The following GRAMD4 variants were observed in gnomAD, a reference collection of about 807,000 sequenced individuals.
GRAMD4 encodes GRAM domain containing 4.
A neutral mutation model predicts 83.9 loss-of-function variants in GRAMD4; 25 were observed. The observed-to-expected ratio is 0.30, with a 90% CI of 0.22 to 0.42. GRAMD4 has a LOEUF of 0.42. Among genes scored for constraint, GRAMD4 ranks in the 10% least tolerant of loss-of-function variants. The pLI, the probability that GRAMD4 is intolerant of heterozygous loss-of-function variation, is 1.00. For missense variants in GRAMD4, 593 were observed against 788.7 expected, an observed-to-expected ratio of 0.75 and a Z score of 2.97; for synonymous variants, 336 against 320.9, an observed-to-expected ratio of 1.05 and a Z score of -0.50.
chr22:46,586,258 T>TGCCCTGGCTCCTCCCC (rs2081148660), intron 1 of GRAMD4, among the ~76,000 whole-genome samples: 3 of 152,184 alleles, frequency 2.0e-5, no homozygotes, highest in Non-Finnish European at 2.9e-5. Flanking sequence ...GTCTCCTTCC[T>TGCCCTGGCTCCTCCCC]TGCCCTGGCT....
chr22:46,664,018 G>A lies in GRAMD4; in HGVS notation c.626-8G>A, dbSNP rs1334051820. The stretch of plus-strand genomic sequence containing the variant: ...AGTGCTGACCACTGTGGTCTGCTCT[G>A]TCCCCAGAGCGCGGTGCCAAGCCGG... On this transcript the variant is annotated splice_region_variant and splice_polypyrimidine_tract_variant and intron_variant, in intron 7 of 18. Coordinates refer to ENST00000406902, the MANE Select transcript of GRAMD4 (RefSeq NM_015124.5). 6.2e-7 allele frequency: 1 copy of A among 1,611,156 alleles called. No individual in the cohort carries two copies. Among genetic ancestry groups the A allele is most frequent in the African/African-American group, 1.3e-5 (1 of 74,888 alleles).
At position 46,598,093 on chromosome 22, in the gene GRAMD4, T is replaced by C. The variant is rs989663043; in HGVS notation, c.-50+20803T>C. On this transcript the variant is annotated intron_variant, in intron 1 of 1. Coordinates refer to the GRAMD4 transcript ENST00000431155. The stretch of plus-strand genomic sequence containing the variant: ...ACCTCCTGGGTTCAAGTGATTCTTA[T>C]GCCTCAGCTTCCGGAGTAGCTGGAA... 3.3e-5 allele frequency among the ~76,000 whole-genome samples: 5 copies of C among 152,188 alleles called. No homozygotes were observed. The East Asian group carries it at 5.8e-4, about 18-fold the overall frequency.
chr22:46,673,897 G>A (rs112074617), intron 15 of GRAMD4, 83 bp downstream of exon 15: 124 of 1,483,198 alleles, frequency 8.4e-5, no homozygotes, highest in African/African-American at 1.6e-4. Context: ...GATGCAGGAC[G>A]GGGTCGCCCT....
intron 1 of GRAMD4, among the ~76,000 whole-genome samples, chr22:46,598,870 A>C (rs1043435145): frequency 3.3e-5 from 5 of 152,100 alleles, no homozygotes; most frequent in African/African-American, 1.2e-4. Context: ...GGACTGAAAG[A>C]AGGGGAACCA....
intron 10 of GRAMD4, 78 bp downstream of exon 10, chr22:46,666,951 G>A: frequency 9.2e-7 from 1 of 1,081,782 alleles, no homozygotes; most frequent in South Asian, 1.5e-5. Context: ...GCACCGCTCG[G>A]GGAAGCCTCT....
At chr22:46,640,169 C>T (rs569253203) in intron 3 of GRAMD4, among the ~76,000 whole-genome samples, 3 of 152,354 alleles carry the variant, frequency 2.0e-5, no homozygotes, top group African/African-American at 7.2e-5. Flanking sequence ...ATCCGCTGAA[C>T]CTCACGAATT....
intron 1 of GRAMD4, among the ~76,000 whole-genome samples, chr22:46,583,721 C>T (rs1273474587): frequency 2.0e-5 from 3 of 152,262 alleles, no homozygotes; most frequent in Admixed American, 6.5e-5. Context: ...CCTCTAACCA[C>T]GTCACGCCAG....
intron 1 of GRAMD4, among the ~76,000 whole-genome samples, chr22:46,602,787 G>A (rs2081324476): frequency 1.5e-5 from 2 of 132,682 alleles, no homozygotes; most frequent in South Asian, 4.7e-4. Flanking sequence ...TTGAGGCAGA[G>A]TCTCTGTCTT....
At chr22:46,580,755 G>A (rs1475655129) in intron 1 of GRAMD4, among the ~76,000 whole-genome samples, 1 of 152,074 alleles carries the variant, frequency 6.6e-6, no homozygotes, top group Non-Finnish European at 1.5e-5. Flanking sequence ...ACCTGAGGTC[G>A]GGAATTCAAG....
At chr22:46,587,816 G>T in intron 1 of GRAMD4, 1 of 710,828 alleles carries the variant, frequency 1.4e-6, no homozygotes, top group Non-Finnish European at 1.7e-6. Context: ...AGTGGAGGTG[G>T]CAGATGTTTG....
At chr22:46,597,809 G>A (rs924132963) in intron 1 of GRAMD4, among the ~76,000 whole-genome samples, 1 of 152,144 alleles carries the variant, frequency 6.6e-6, no homozygotes, top group Admixed American at 6.5e-5. Context: ...TTTTAATTAG[G>A]ACAAAAACAA....
chr22:46,600,468 G>A (rs987085377), intron 1 of GRAMD4, among the ~76,000 whole-genome samples: 12 of 152,190 alleles, frequency 7.9e-5, no homozygotes, highest in African/African-American at 2.9e-4. Flanking sequence ...CTTCATTCCC[G>A]TGATGAGGCA....
intron 3 of GRAMD4, among the ~76,000 whole-genome samples, chr22:46,645,980 A>T (rs2082066944): frequency 6.6e-6 from 1 of 152,034 alleles, no homozygotes; most frequent in Admixed American, 6.6e-5. Flanking sequence ...TGTGATGTAG[A>T]ATTTGGATTT....
At chr22:46,626,572 T>C (rs1601587554) in intron 1 of GRAMD4, among the ~76,000 whole-genome samples, 179 bp from the exon 2 acceptor site, 1 of 143,840 alleles carries the variant, frequency 7.0e-6, no homozygotes, top group East Asian at 2.0e-4. Flanking sequence ...GGCCGTGCCC[T>C]GCGTGTGGGA....
At chr22:46,617,486 C>T (rs142193919), upstream of GRAMD4, among the ~76,000 whole-genome samples, 10 of 149,396 alleles carry the variant, frequency 6.7e-5, no homozygotes, top group South Asian at 6.4e-4. Context: ...TTCCCCTGTG[C>T]GTGTAGGTTT....
At chr22:46,596,238 G>T (rs887134224) in intron 1 of GRAMD4, among the ~76,000 whole-genome samples, 3 of 152,216 alleles carry the variant, frequency 2.0e-5, no homozygotes, top group Non-Finnish European at 4.4e-5. Flanking sequence ...CTGCTGGCTC[G>T]TGCCATCGGG....
intron 2 of GRAMD4, among the ~76,000 whole-genome samples, chr22:46,632,340 G>C (rs2081787632): frequency 6.6e-6 from 1 of 152,246 alleles, no homozygotes. Context: ...CAGGAGGCAG[G>C]AGATGGGAGA....
At chr22:46,648,764 A>G (rs1267302836) in intron 3 of GRAMD4, among the ~76,000 whole-genome samples, 1 of 130,640 alleles carries the variant, frequency 7.7e-6, no homozygotes. Context: ...GGATGGATGG[A>G]TGCATGGATG....
chr22:46,620,675 G>A lies in GRAMD4; in HGVS notation c.-50+110G>A, dbSNP rs957689558. 10 of 262,916 alleles carry A rather than the reference G, an allele frequency of 3.8e-5. No homozygotes were observed. The highest frequency in any genetic ancestry group is 1.8e-3 in the Middle Eastern group (1 of 562). 16.3% of individuals were successfully genotyped at this position (262,916 alleles called of 1,614,324 possible). A position where few individuals can be genotyped will look rare whatever the true frequency, so the allele number is the denominator to read the frequency against. ...CTGGGGCAGTGGTCCCAGCTACCAC[G>A]TGCTCTTCTGGAGCCATCTTGATCT... On this transcript the variant is annotated intron_variant, in intron 1 of 18. Transcript: ENST00000406902. This position sits in a 1 kb window ranked among gnomAD's most constrained non-coding sequence, Gnocchi z 4.7.
Sources: gnomAD v4.1 joint callset for allele counts (sites outside exome capture counted in the v4.1 genomes callset) on GRCh38, gnomAD v4.1.1 for gene constraint, Gnocchi (gnomAD v3.1) non-coding constraint, MANE v1.5 for transcripts, NCBI Gene and HGNC (gene_info 2026-07-23, HGNC 2026-07-21) for gene names.